The following DENND2B variants were observed in gnomAD, a reference collection of about 807,000 sequenced individuals.
DENND2B encodes DENN domain containing 2B.
In DENND2B, 32 loss-of-function variants were observed where a neutral mutation model predicts 116.0. That is an observed-to-expected ratio of 0.28 (90% confidence interval 0.21 to 0.37). The LOEUF is 0.37. DENND2B is among the 10% of genes least tolerant of loss of function. The pLI is 1.00. For missense variants in DENND2B, 1,276 were observed against 1,477.7 expected, an observed-to-expected ratio of 0.86 and a Z score of 2.24; for synonymous variants, 588 against 583.9, an observed-to-expected ratio of 1.01 and a Z score of -0.10.
At chr11:8,843,744 C>A (rs1236924818) in intron 3 of DENND2B, among the ~76,000 whole-genome samples, 1 of 152,164 alleles carries the variant, frequency 6.6e-6, no homozygotes, top group Non-Finnish European at 1.5e-5. Flanking sequence ...CCTGTGCTTT[C>A]CCCCAAGGTT....
At chr11:8,850,899 A>G (rs901322122) in intron 3 of DENND2B, among the ~76,000 whole-genome samples, 2 of 152,210 alleles carry the variant, frequency 1.3e-5, no homozygotes, top group South Asian at 2.1e-4. Context: ...ACCTGAGGAC[A>G]CTATGTTAAA....
intron 11 of DENND2B, 53 bp downstream of exon 11, chr11:8,710,792 C>G (rs1487107723): frequency 1.0e-5 from 15 of 1,447,492 alleles, no homozygotes; most frequent in Non-Finnish European, 1.5e-5. Flanking sequence ...CACACACACA[C>G]ACCCTGGCCT....
At chr11:8,777,192 T>C (rs2057833849) in intron 1 of DENND2B, among the ~76,000 whole-genome samples, 1 of 152,174 alleles carries the variant, frequency 6.6e-6, no homozygotes, top group Admixed American at 6.5e-5. Flanking sequence ...TGAGTTACAG[T>C]GCCTGGAGAG....
At chr11:8,697,695 C>CG in intron 16 of DENND2B, 59 bp from the exon 17 acceptor site, 1 of 1,145,868 alleles carries the variant, frequency 8.7e-7, no homozygotes, top group South Asian at 1.2e-5. Context: ...TTACTATGTG[C>CG]TAAGACCTGT....
chr11:8,733,985 GC>G (rs530120445), intron 2 of DENND2B, among the ~76,000 whole-genome samples: 101 of 152,268 alleles, frequency 6.6e-4, no homozygotes, highest in African/African-American at 2.4e-3. Flanking sequence ...CCTTGCCCCA[GC>G]CTCCCCACAC....
At chr11:8,760,535 TTGAGCC>T (rs2054419768) in intron 1 of DENND2B, among the ~76,000 whole-genome samples, 1 of 152,074 alleles carries the variant, frequency 6.6e-6, no homozygotes, top group Non-Finnish European at 1.5e-5. Context: ...GGAGGATCAC[TTGAGCC>T]CAGAAGTCCA....
chr11:8,794,206 A>G (rs1318635797), intron 1 of DENND2B, among the ~76,000 whole-genome samples: 1 of 152,222 alleles, frequency 6.6e-6, no homozygotes, highest in African/African-American at 2.4e-5. Flanking sequence ...TGTGAAACAC[A>G]GTTTCAGTGT....
In DENND2B at chr11:8,826,343, C is replaced by T. The variant is rs138218320; in HGVS notation, c.-115+12967G>A. Among the ~76,000 whole-genome samples the T allele has an allele frequency of 5.0e-3, 764 of 152,274 alleles. 3 individuals are homozygous for T. The highest frequency in any genetic ancestry group is 6.8e-3 in the Middle Eastern group (2 of 294). On this transcript the variant is annotated intron_variant, in intron 4 of 6. Coordinates refer to the DENND2B transcript ENST00000524757. ...CCATGGTTCACTACAAGCAGAATCA[C>T]AGTGATATTTTTAACTATCAGAGTG... is the stretch of plus-strand genomic sequence containing the variant.
chr11:8,808,643 CAG>C (rs1235198463), intron 1 of DENND2B: 1 of 152,184 alleles, frequency 6.6e-6, no homozygotes, highest in Non-Finnish European at 1.5e-5. Context: ...AGTGACTTTC[CAG>C]AGAGAGTTGG....
chr11:8,769,547 A>G (rs961224629), intron 1 of DENND2B, among the ~76,000 whole-genome samples: 6 of 152,136 alleles, frequency 3.9e-5, no homozygotes, highest in Non-Finnish European at 8.8e-5. Flanking sequence ...GGTGTGAACC[A>G]CTGCGCCTGG....
At chr11:8,775,759 C>A (rs927896070) in intron 1 of DENND2B, among the ~76,000 whole-genome samples, 1 of 152,172 alleles carries the variant, frequency 6.6e-6, no homozygotes, top group Admixed American at 6.5e-5. Flanking sequence ...TGAAATTTTT[C>A]TCCACTTTAT....
chr11:8,696,438 C>G lies in DENND2B; in HGVS notation c.3281G>C (p.Cys1094Ser). 6.2e-7 allele frequency: 1 copy of G among 1,614,216 alleles called. No individual in the cohort carries two copies. The highest frequency in any genetic ancestry group is 8.5e-7 in the Non-Finnish European group (1 of 1,180,030). ...TAACCAAGACTTACCCTTTGCCCGA[C>G]ACTTTCTTAGCTCCCTGTCTTGGAT... The part of the protein sequence containing the change: ...GFIQDRELRK[C>S]RAKGLFEQRV... Residue 1094 changes from cysteine (C) to serine (S), a missense_variant, in exon 18 of 20, where the codon TGT (cysteine) becomes TCT (serine). Transcript: ENST00000313726.
At chr11:8,910,240 G>A (rs548743884) in intron 1 of DENND2B, among the ~76,000 whole-genome samples, 1 of 151,764 alleles carries the variant, frequency 6.6e-6, no homozygotes, top group Non-Finnish European at 1.5e-5. Context: ...AGACAGCCCC[G>A]CCTCCGTCTC....
intron 14 of DENND2B, among the ~76,000 whole-genome samples, chr11:8,701,134 G>A (rs921217068): frequency 2.0e-5 from 3 of 152,104 alleles, no homozygotes; most frequent in African/African-American, 4.8e-5. Context: ...AGAAAGCCCC[G>A]GCTCTTAGAG....
intron 4 of DENND2B, among the ~76,000 whole-genome samples, chr11:8,826,873 T>A (rs761060507): frequency 1.3e-5 from 2 of 152,112 alleles, no homozygotes; most frequent in Non-Finnish European, 2.9e-5. Context: ...GAGATCAACA[T>A]TGAACAACCT....
intron 1 of DENND2B, among the ~76,000 whole-genome samples, chr11:8,793,703 T>C (rs1269635785): frequency 2.6e-5 from 4 of 152,204 alleles, no homozygotes; most frequent in Non-Finnish European, 4.4e-5. Context: ...AGTCCTTGTT[T>C]TCAATTATTT....
chr11:8,768,010 G>A (rs1401203443), intron 1 of DENND2B, among the ~76,000 whole-genome samples: 2 of 151,878 alleles, frequency 1.3e-5, no homozygotes, highest in East Asian at 3.9e-4. Context: ...GAACAGGGAG[G>A]GACAAAAGAA....
intron 4 of DENND2B, among the ~76,000 whole-genome samples, chr11:8,838,346 C>T (rs1333590350): frequency 6.6e-6 from 1 of 152,164 alleles, no homozygotes; most frequent in African/African-American, 2.4e-5. Flanking sequence ...CGCAAGATCC[C>T]ACCACAAACT....
chr11:8,905,408 T>C (rs760447912), intron 1 of DENND2B, among the ~76,000 whole-genome samples: 6 of 151,920 alleles, frequency 3.9e-5, no homozygotes, highest in Admixed American at 6.6e-5. Context: ...TGGCATAGAG[T>C]TAAATGTAAA....
Sources: allele counts gnomAD v4.1 joint callset (sites outside exome capture counted in the v4.1 genomes callset), GRCh38; gene constraint gnomAD v4.1.1; transcripts MANE v1.5; gene names NCBI Gene and HGNC (gene_info 2026-07-23, HGNC 2026-07-21).